IGSF3: variants seen among roughly 807,000 people sequenced by gnomAD.
The protein encoded by IGSF3 is immunoglobulin superfamily member 3, also known as glu-Trp-Ile EWI motif-containing protein 3.
In IGSF3, 23 loss-of-function variants were observed where a neutral mutation model predicts 114.4. That is an observed-to-expected ratio of 0.20 (90% CI 0.14 to 0.28). The LOEUF (loss-of-function observed/expected upper bound fraction) is 0.28, where lower values mean the gene tolerates loss of function less well. Ranked by LOEUF, IGSF3 falls within the 10% of genes least tolerant of loss-of-function variation. The pLI is 1.00. For synonymous variants in IGSF3, 571 were observed against 645.2 expected (o/e 0.88, Z 1.74); for missense variants, 1,172 against 1,591.5 (o/e 0.74, Z 4.48).
chr1:116,574,987 C>T lies in IGSF3; in HGVS notation c.*2325G>A. The T allele has an allele frequency of 6.6e-6, 1 of 152,564 alleles. No homozygotes were observed. Among genetic ancestry groups the T allele is most frequent in the East Asian group, 1.9e-4 (1 of 5,196 alleles). 9.5% of individuals were successfully genotyped at this position (152,564 alleles called of 1,614,324 possible). ...GGTTTCTTTTTTTCCTTTCAAATTT[C>T]CTACAATTGCTTTACATATTTGTGT... On this transcript the variant is annotated 3_prime_UTR_variant, in exon 11 of 11. Transcript: ENST00000369486. The surrounding 1 kb of genome is among the most constrained non-coding windows in gnomAD (Gnocchi z 5.2).
Position 116,574,711 on chromosome 1 carries a change from A to G in IGSF3, c.*2601T>C, listed in dbSNP as rs1157785822. ...CATAAATGCAACATTGTAGACATAG[A>G]TGAATCCAGAGTATTCAGCAGTTTT... On this transcript the variant is annotated 3_prime_UTR_variant, in exon 11 of 11. Coordinates refer to ENST00000369486, the MANE Select transcript of IGSF3 (RefSeq NM_001007237.3). This position sits in a 1 kb window ranked among gnomAD's most constrained non-coding sequence, Gnocchi z 5.2. The G allele has an allele frequency of 6.6e-6, 1 of 152,658 alleles. No individual in the cohort carries two copies. Among genetic ancestry groups the G allele is most frequent in the African/African-American group, 2.4e-5 (1 of 41,456 alleles). 9.5% of individuals were successfully genotyped at this position (152,658 alleles called of 1,614,324 possible). A position where few individuals can be genotyped will look rare whatever the true frequency, so the allele number is the denominator to read the frequency against.
In IGSF3 at chr1:116,614,522, G is replaced by A. The variant is rs1661143740; in HGVS notation, c.422-347C>T. ...CAAATAACATTTGCTGTTGATTCTGGCACTTCTCTGAGATACTTTAACTTC... is the reference window on the plus strand; with the variant it reads ...CAAATAACATTTGCTGTTGATTCTGACACTTCTCTGAGATACTTTAACTTC... On this transcript the variant is annotated intron_variant, in intron 3 of 10. Coordinates refer to ENST00000369486, the MANE Select transcript of IGSF3 (RefSeq NM_001007237.3). The surrounding 1 kb of genome is among the most constrained non-coding windows in gnomAD (Gnocchi z 4.5). 6.6e-6 allele frequency among the ~76,000 whole-genome samples: 1 copy of A among 152,008 alleles called. No individual in the cohort carries two copies. Among genetic ancestry groups the A allele is most frequent in the Admixed American group, 6.5e-5 (1 of 15,268 alleles).
In IGSF3 at chr1:116,650,618, A is replaced by T. The variant is rs1250294759; in HGVS notation, c.43+15666T>A. Among the ~76,000 whole-genome samples, 1 of 152,190 alleles carries T rather than the reference A, an allele frequency of 6.6e-6. No homozygotes were observed. The highest frequency in any genetic ancestry group is 2.4e-5 in the African/African-American group (1 of 41,454). ...GTCCTGCCAACAGGAAGAGAAAAGAAGAGCCACTGTAGGTAACCAATCACG... is the reference window on the plus strand; with the variant it reads ...GTCCTGCCAACAGGAAGAGAAAAGATGAGCCACTGTAGGTAACCAATCACG... On this transcript the variant is annotated intron_variant, in intron 2 of 10. Coordinates refer to ENST00000369486, the MANE Select transcript of IGSF3 (RefSeq NM_001007237.3). This position sits in a 1 kb window ranked among gnomAD's most constrained non-coding sequence, Gnocchi z 5.0.
rs1366933948 is a variant in IGSF3 at position 116,632,815 on chromosome 1, G to A, written c.44-16358C>T. ...TAAAAGGCTGCAGCGAGAAACAAGT[G>A]GGGCCACAGAGAGAAAGGGGTTTTG... On this transcript the variant is annotated intron_variant, in intron 2 of 10. Transcript: ENST00000369486. The surrounding 1 kb of genome is among the most constrained non-coding windows in gnomAD (Gnocchi z 5.1). Among the ~76,000 whole-genome samples, 3 of 152,192 alleles carry A rather than the reference G, an allele frequency of 2.0e-5. No homozygotes were observed. Among genetic ancestry groups the A allele is most frequent in the Non-Finnish European group, 4.4e-5 (3 of 68,040 alleles).
In IGSF3 at chr1:116,585,071, G is replaced by A. The variant is rs760988301; in HGVS notation, c.2441-19C>T. 3.1e-5 allele frequency: 47 copies of A among 1,502,756 alleles called. No homozygotes were observed. The highest frequency in any genetic ancestry group is 3.8e-5 in the Non-Finnish European group (43 of 1,125,378). 93.1% of individuals were successfully genotyped at this position (1,502,756 alleles called of 1,614,324 possible). On this transcript the variant is annotated intron_variant, in intron 8 of 10. Coordinates refer to ENST00000369486, the MANE Select transcript of IGSF3 (RefSeq NM_001007237.3). This position sits in a 1 kb window ranked among gnomAD's most constrained non-coding sequence, Gnocchi z 4.9. ...CGGCTGTCTGGAACAGTAAGGAAGA[G>A]ACGTCAGCGACAAAAGGACAACAAG... is the stretch of plus-strand genomic sequence containing the variant.
rs1321196199 is a variant in IGSF3, at chr1:116,610,396, A to G, written c.833-2065T>C. On this transcript the variant is annotated intron_variant, in intron 4 of 10. Coordinates refer to ENST00000369486, the MANE Select transcript of IGSF3 (RefSeq NM_001007237.3). This position sits in a 1 kb window ranked among gnomAD's most constrained non-coding sequence, Gnocchi z 4.3. Reference sequence around the variant, plus strand: ...CCCCCCATGCCTTGGTGACACCTTCATGTTCCCAGGTTGAAGACACAAGAT... The same window carrying G: ...CCCCCCATGCCTTGGTGACACCTTCGTGTTCCCAGGTTGAAGACACAAGAT... 6.6e-6 allele frequency among the ~76,000 whole-genome samples: 1 copy of G among 152,054 alleles called. No individual in the cohort carries two copies. Among genetic ancestry groups the G allele is most frequent in the Non-Finnish European group, 1.5e-5 (1 of 68,012 alleles).
chr1:116,641,535 GAAAAGAAAGAAAGA>G (rs1396349187), intron 2 of IGSF3, among the ~76,000 whole-genome samples: 1 of 120,934 alleles, frequency 8.3e-6, no homozygotes, highest in Non-Finnish European at 1.8e-5. Context: ...AGAAAGAAAA[GAAAAGAAAGAAAGA>G]AAAAGAAAGA....
chr1:116,642,624 C>A lies in IGSF3; in HGVS notation c.43+23660G>T, dbSNP rs1648159608. Among the ~76,000 whole-genome samples the A allele has an allele frequency of 6.6e-6, 1 of 152,212 alleles. No homozygotes were observed. The highest frequency in any genetic ancestry group is 2.4e-5 in the African/African-American group (1 of 41,448). ...GGTAACCAAATGTGAAAAAGAAAAG[C>A]CTCACAAGAATTAAAATTGATGGTT... On this transcript the variant is annotated intron_variant, in intron 2 of 10. Coordinates refer to ENST00000369486, the MANE Select transcript of IGSF3 (RefSeq NM_001007237.3). This position sits in a 1 kb window ranked among gnomAD's most constrained non-coding sequence, Gnocchi z 5.4.
At chr1:116,626,062 T>C (rs961536186) in intron 2 of IGSF3, among the ~76,000 whole-genome samples, 1 of 152,226 alleles carries the variant, frequency 6.6e-6, no homozygotes, top group African/African-American at 2.4e-5. Context: ...CTTAGAGGAC[T>C]GCTAAACCAT....
Position 116,595,107 on chromosome 1 carries a change from G to A in IGSF3, c.2029+4834C>T, listed in dbSNP as rs1458820540. Among the ~76,000 whole-genome samples, 6 of 152,224 alleles carry A rather than the reference G, an allele frequency of 3.9e-5. No individual in the cohort carries two copies. In the East Asian group the frequency reaches 9.7e-4, roughly 25 times the overall value. ...GCATGCAGAGAGACAGGGAGGGAGG[G>A]GCAAGGGGAAAGCAGCAAGAGTCTG... On this transcript the variant is annotated intron_variant, in intron 7 of 10. Coordinates refer to ENST00000369486, the MANE Select transcript of IGSF3 (RefSeq NM_001007237.3). The surrounding 1 kb of genome is among the most constrained non-coding windows in gnomAD (Gnocchi z 4.2).
chr1:116,602,932 C>T (rs2101443733), intron 6 of IGSF3, among the ~76,000 whole-genome samples: 1 of 152,300 alleles, frequency 6.6e-6, no homozygotes, highest in East Asian at 1.9e-4. Context: ...CTTTTCATTC[C>T]ACGCTAATGA....
At position 116,654,722 on chromosome 1, in the gene IGSF3, T is replaced by C. The variant is rs1055292983; in HGVS notation, c.43+11562A>G. Among the ~76,000 whole-genome samples the C allele has an allele frequency of 2.6e-5, 4 of 152,190 alleles. No individual in the cohort carries two copies. Among genetic ancestry groups the C allele is most frequent in the Non-Finnish European group, 5.9e-5 (4 of 68,034 alleles). On this transcript the variant is annotated intron_variant, in intron 2 of 10. Transcript: ENST00000369486. The surrounding 1 kb of genome is among the most constrained non-coding windows in gnomAD (Gnocchi z 4.4). ...ATTTCTATTTCTCTTTTGTTTGGGC[T>C]TCCTAGAAATTCAGAGCTAGGTGTG...
chr1:116,590,492 C>T (rs928207397), intron 7 of IGSF3, among the ~76,000 whole-genome samples: 3 of 152,226 alleles, frequency 2.0e-5, no homozygotes, highest in African/African-American at 7.2e-5. Context: ...CAAACCACTT[C>T]CCAGCTGAGA....
In IGSF3 at chr1:116,634,331, G is replaced by A. The variant is rs573560256; in HGVS notation, c.44-17874C>T. ...GAAAAAAGGGTAGGCTCCAGCTAGC[G>A]GAGAGAACAACTAAAAAACAAGAGC... is the stretch of plus-strand genomic sequence containing the variant. On this transcript the variant is annotated intron_variant, in intron 2 of 10. Coordinates refer to ENST00000369486, the MANE Select transcript of IGSF3 (RefSeq NM_001007237.3). This position sits in a 1 kb window ranked among gnomAD's most constrained non-coding sequence, Gnocchi z 4.2. Among the ~76,000 whole-genome samples the A allele has an allele frequency of 2.0e-5, 3 of 152,294 alleles. No homozygotes were observed. The highest frequency in any genetic ancestry group is 2.9e-5 in the Non-Finnish European group (2 of 68,026).
chr1:116,579,921 T>G lies in IGSF3; in HGVS notation c.2849-44A>C. 2 of 1,516,306 alleles carry G rather than the reference T, an allele frequency of 1.3e-6. No homozygotes were observed. The highest frequency in any genetic ancestry group is 1.8e-6 in the Non-Finnish European group (2 of 1,132,470). 93.9% of individuals were successfully genotyped at this position (1,516,306 alleles called of 1,614,324 possible). A position where few individuals can be genotyped will look rare whatever the true frequency, so the allele number is the denominator to read the frequency against. ...CAAACAGGGAAGGGGTTGTTTAAAT[T>G]TATTTGCTCAAAATAAACTAAATGT... On this transcript the variant is annotated intron_variant, in intron 9 of 10. Coordinates refer to ENST00000369486, the MANE Select transcript of IGSF3 (RefSeq NM_001007237.3). The surrounding 1 kb of genome is among the most constrained non-coding windows in gnomAD (Gnocchi z 6.4).
At chr1:116,643,162 C>G (rs1220524172) in intron 2 of IGSF3, among the ~76,000 whole-genome samples, 1 of 152,172 alleles carries the variant, frequency 6.6e-6, no homozygotes, top group African/African-American at 2.4e-5. Flanking sequence ...ATCAATAGTT[C>G]TGGAGTTGAT....
chr1:116,606,348 T>C (rs1660791646), intron 5 of IGSF3: 1 of 986,670 alleles, frequency 1.0e-6, no homozygotes, highest in African/African-American at 1.7e-5. Flanking sequence ...CATATTGGCC[T>C]CTACGAGGAT....
At chr1:116,613,327 T>G (rs1270327492) in intron 4 of IGSF3, among the ~76,000 whole-genome samples, 2 of 152,180 alleles carry the variant, frequency 1.3e-5, no homozygotes, top group African/African-American at 4.8e-5. Flanking sequence ...TGGATGGAAG[T>G]CTCATTATCT....
chr1:116,597,033 A>C (rs1409037606), intron 7 of IGSF3, among the ~76,000 whole-genome samples: 1 of 152,252 alleles, frequency 6.6e-6, no homozygotes. Context: ...TGAATGCTGA[A>C]AGAATAATCT....
Sources: allele counts gnomAD v4.1 joint callset (sites outside exome capture counted in the v4.1 genomes callset), GRCh38; gene constraint gnomAD v4.1.1; non-coding constraint Gnocchi (gnomAD v3.1); transcripts MANE v1.5; gene names NCBI Gene and HGNC (gene_info 2026-07-23, HGNC 2026-07-21).